MAGI1: variants seen among roughly 807,000 people sequenced by gnomAD.
The protein encoded by MAGI1 is membrane-associated guanylate kinase, WW and PDZ domain-containing protein 1.
Under a neutral mutation model 139.9 loss-of-function variants are expected in MAGI1, and 58 were observed. That is an observed-to-expected ratio of 0.41 (90% CI 0.34 to 0.52). MAGI1 has a LOEUF of 0.52. MAGI1 is among the 20% of genes least tolerant of loss of function. The probability of loss-of-function intolerance (pLI) is 0.12; values close to 1 mark genes in which losing one functional copy is unlikely to be tolerated. For missense variants in MAGI1, 1,874 were observed against 1,901.6 expected (o/e 0.99, Z 0.27); for synonymous variants, 812 against 737.9 (o/e 1.10, Z -1.63).
intron 1 of MAGI1, among the ~76,000 whole-genome samples, chr3:65,779,297 G>A (rs146666850): frequency 1.3e-5 from 2 of 152,230 alleles, no homozygotes; most frequent in African/African-American, 4.8e-5. Flanking sequence ...ATGTAAATGT[G>A]CACAAATAGA....
At chr3:65,987,230 G>GT (rs1377107455) in intron 1 of MAGI1, among the ~76,000 whole-genome samples, 2 of 152,134 alleles carry the variant, frequency 1.3e-5, no homozygotes, top group Non-Finnish European at 2.9e-5. Flanking sequence ...TTTCACTCAT[G>GT]TGACTTTGGG....
intron 1 of MAGI1, chr3:65,688,452 T>G: frequency 4.1e-6 from 2 of 482,616 alleles, no homozygotes; most frequent in Non-Finnish European, 8.1e-6. Context: ...GAAGAAAGCA[T>G]GGAAACTCAA....
At chr3:65,827,648 G>T (rs1290752181) in intron 1 of MAGI1, among the ~76,000 whole-genome samples, 1 of 152,054 alleles carries the variant, frequency 6.6e-6, no homozygotes. Flanking sequence ...AAACACAGAT[G>T]GGTCAGACGC....
At chr3:65,500,172 G>C (rs1263940056) in intron 2 of MAGI1, among the ~76,000 whole-genome samples, 1 of 152,142 alleles carries the variant, frequency 6.6e-6, no homozygotes, top group Non-Finnish European at 1.5e-5. Flanking sequence ...ACTACAAGTA[G>C]ATTTGAGAAA....
rs567288359 is a variant in MAGI1 at position 65,863,250 on chromosome 3, G to C, written c.313+174746C>G. On this transcript the variant is annotated intron_variant, in intron 1 of 22. Coordinates refer to ENST00000402939, the MANE Select transcript of MAGI1 (RefSeq NM_001033057.2). ...ACCATGTCTTCTGGCTACCAGAATA[G>C]ACAGAACAGACTATGCTCACTCCTT... Among the ~76,000 whole-genome samples, 5 of 152,316 alleles carry C rather than the reference G, an allele frequency of 3.3e-5. No individual in the cohort carries two copies. The East Asian group carries it at 7.7e-4, about 24-fold the overall frequency.
intron 2 of MAGI1, among the ~76,000 whole-genome samples, chr3:65,544,048 G>A (rs565822654): frequency 6.6e-6 from 1 of 152,082 alleles, no homozygotes; most frequent in East Asian, 1.9e-4. Context: ...GAAAGGGAGA[G>A]GTGTAGTAGA....
intron 1 of MAGI1, among the ~76,000 whole-genome samples, chr3:65,794,405 C>T (rs2039985944): frequency 6.6e-6 from 1 of 152,138 alleles, no homozygotes; most frequent in Non-Finnish European, 1.5e-5. Context: ...TGGGGTATGG[C>T]CTTCTCTTTA....
intron 22 of MAGI1, among the ~76,000 whole-genome samples, chr3:65,357,363 C>G (rs757030256): frequency 6.6e-6 from 1 of 152,052 alleles, no homozygotes; most frequent in Non-Finnish European, 1.5e-5. Context: ...TCTCCATACC[C>G]GAGACATAGA....
intron 2 of MAGI1, 147 bp from the exon 3 acceptor site, chr3:65,493,778 A>C: frequency 1.2e-6 from 1 of 839,000 alleles, no homozygotes; most frequent in Non-Finnish European, 1.8e-6. Flanking sequence ...GACACAGTAA[A>C]GGCAACTTCT....
chr3:65,750,839 A>G (rs1187431736), intron 1 of MAGI1, among the ~76,000 whole-genome samples: 1 of 152,244 alleles, frequency 6.6e-6, no homozygotes, highest in Non-Finnish European at 1.5e-5. Flanking sequence ...AACTCTTCTC[A>G]ATCAACATAC....
intron 1 of MAGI1, among the ~76,000 whole-genome samples, chr3:65,703,131 C>G (rs150054553): frequency 1.5e-4 from 23 of 152,278 alleles, no homozygotes; most frequent in Non-Finnish European, 2.6e-4. Context: ...ATGCGCATCT[C>G]TCTACTGTTT....
At chr3:65,936,939 G>A (rs1401870853) in intron 1 of MAGI1, among the ~76,000 whole-genome samples, 5 of 151,500 alleles carry the variant, frequency 3.3e-5, no homozygotes, top group Non-Finnish European at 7.4e-5. Flanking sequence ...GGTGGTGATG[G>A]TGGTGGTGAT....
At chr3:65,389,941 TCTGCCCCCCAACTG>T (rs1387652147) in intron 14 of MAGI1, among the ~76,000 whole-genome samples, 1 of 152,242 alleles carries the variant, frequency 6.6e-6, no homozygotes, top group Non-Finnish European at 1.5e-5. Context: ...CAGGCTCACC[TCTGCCCCCCAACTG>T]CTGAGCATCA....
At chr3:65,790,275 C>T (rs1042830774) in intron 1 of MAGI1, among the ~76,000 whole-genome samples, 5 of 152,130 alleles carry the variant, frequency 3.3e-5, no homozygotes, top group Admixed American at 6.5e-5. Context: ...AAAGATAAAA[C>T]GATTTGTTTG....
intron 13 of MAGI1, among the ~76,000 whole-genome samples, chr3:65,396,718 GC>G (rs2107060396): frequency 6.6e-6 from 1 of 152,324 alleles, no homozygotes; most frequent in African/African-American, 2.4e-5. Flanking sequence ...GAAGGCTACT[GC>G]AGCGATTTAC....
At chr3:65,387,069 G>C in intron 14 of MAGI1, 2 of 1,326,984 alleles carry the variant, frequency 1.5e-6, no homozygotes, top group Non-Finnish European at 2.2e-6. Context: ...CTTCTCCCCA[G>C]GCCCCCAGAC....
At chr3:65,488,502 A>G (rs1382797246) in intron 3 of MAGI1, among the ~76,000 whole-genome samples, 3 of 78,620 alleles carry the variant, frequency 3.8e-5, no homozygotes, top group Admixed American at 2.6e-4. Flanking sequence ...AAGCCCAGCT[A>G]ATTTTTATAT....
chr3:65,771,553 G>C (rs2037956284), intron 1 of MAGI1, among the ~76,000 whole-genome samples: 1 of 152,078 alleles, frequency 6.6e-6, no homozygotes, highest in African/African-American at 2.4e-5. Flanking sequence ...TCTGCAATTT[G>C]TTTAAAACTA....
intron 1 of MAGI1, among the ~76,000 whole-genome samples, chr3:65,770,066 CT>C (rs2037825873): frequency 6.6e-6 from 1 of 152,122 alleles, no homozygotes; most frequent in Non-Finnish European, 1.5e-5. Flanking sequence ...TCTCATGAAC[CT>C]TATTACTGAG....
Sources: gnomAD v4.1 joint callset for allele counts (sites outside exome capture counted in the v4.1 genomes callset) on GRCh38, gnomAD v4.1.1 for gene constraint, MANE v1.5 for transcripts, NCBI Gene and HGNC (gene_info 2026-07-23, HGNC 2026-07-21) for gene names.